ZNF821: variants seen among roughly 807,000 people sequenced by gnomAD.
ZNF821 encodes the protein zinc finger protein 821.
ZNF821 carries 16 observed loss-of-function variants against 44.3 expected under a neutral mutation model. That is an observed-to-expected ratio of 0.36 (90% CI 0.24 to 0.55). The LOEUF (loss-of-function observed/expected upper bound fraction) is 0.55, where lower values mean the gene tolerates loss of function less well. ZNF821 is among the 20% of genes least tolerant of loss of function. The probability of loss-of-function intolerance (pLI) is 0.86; values close to 1 mark genes in which losing one functional copy is unlikely to be tolerated. For synonymous variants in ZNF821, 204 were observed against 197.6 expected (o/e 1.03, Z -0.27); for missense variants, 436 against 547.6 (o/e 0.80, Z 2.03).
At chr16:71,873,589 C>T (rs576075995) in intron 3 of ZNF821, among the ~76,000 whole-genome samples, 69 of 152,248 alleles carry the variant, frequency 4.5e-4, no homozygotes, top group Non-Finnish European at 7.5e-4. Context: ...AAGCAGCTGC[C>T]CACTGGCTTC....
At chr16:71,861,637 C>T in intron 7 of ZNF821, 139 bp downstream of exon 7, 1 of 943,254 alleles carries the variant, frequency 1.1e-6, no homozygotes, top group Non-Finnish European at 1.6e-6. Flanking sequence ...TATTTCCTAG[C>T]CTTCTTACTT....
upstream of ZNF821, chr16:71,884,315 G>A (rs2036747713): frequency 6.6e-6 from 1 of 152,020 alleles, no homozygotes. Context: ...GGAGAGGAGG[G>A]GCTCCGGGGA....
rs118101174 is a variant in ZNF821, at chr16:71,864,057, G to A, written c.417+81C>T. On this transcript the variant is annotated intron_variant, in intron 6 of 7. Transcript: ENST00000425432. Reference sequence around the variant, plus strand: ...AAGACTCCTTCAGGAGCCAGAGAGAGACAAAGGCCAAACCAGGATCTGGGC... The same window carrying A: ...AAGACTCCTTCAGGAGCCAGAGAGAAACAAAGGCCAAACCAGGATCTGGGC... The A allele has an allele frequency of 2.1e-5, 27 of 1,291,288 alleles. No homozygotes were observed. In the East Asian group the frequency reaches 5.1e-4, roughly 24 times the overall value. 80.0% of individuals were successfully genotyped at this position (1,291,288 alleles called of 1,614,324 possible). A position where few individuals can be genotyped will look rare whatever the true frequency, so the allele number is the denominator to read the frequency against.
intron 3 of ZNF821, among the ~76,000 whole-genome samples, chr16:71,873,494 G>C (rs1414756025): frequency 6.6e-6 from 1 of 152,176 alleles, no homozygotes; most frequent in East Asian, 1.9e-4. Flanking sequence ...CAAAATACAA[G>C]AGTCTAACTA....
chr16:71,894,903 G>T lies in ZNF821; in HGVS notation n.434C>A, dbSNP rs758638959. On this transcript the variant is annotated non_coding_transcript_exon_variant, in exon 1 of 3. Coordinates refer to the ZNF821 transcript ENST00000561700. ...TCTCTGAATACCGAGATAAATTAGG[G>T]AAATCGCCAGAGACTGTGGTGCTGA... is the stretch of plus-strand genomic sequence containing the variant. The T allele has an allele frequency of 8.5e-6, 11 of 1,288,368 alleles. No individual in the cohort carries two copies. The South Asian group carries it at 1.4e-4, about 16-fold the overall frequency. 79.8% of individuals were successfully genotyped at this position (1,288,368 alleles called of 1,614,324 possible).
At chr16:71,872,796 T>A (rs1437694848) in intron 3 of ZNF821, among the ~76,000 whole-genome samples, 1 of 152,230 alleles carries the variant, frequency 6.6e-6, no homozygotes, top group African/African-American at 2.4e-5. Context: ...CTAAGCAAGT[T>A]GTGCTTTTTA....
chr16:71,861,315 T>C (rs1323023419), intron 7 of ZNF821, among the ~76,000 whole-genome samples: 2 of 152,236 alleles, frequency 1.3e-5, no homozygotes, highest in Non-Finnish European at 2.9e-5. Flanking sequence ...TGGAGGCTCC[T>C]GGAGGTGGAG....
At chr16:71,877,423 G>C (rs533489462) in intron 3 of ZNF821, among the ~76,000 whole-genome samples, 128 of 152,118 alleles carry the variant, frequency 8.4e-4, no homozygotes, top group Middle Eastern at 3.4e-3. Context: ...CCCAGGCCTA[G>C]TTTTTTTGTA....
At chr16:71,861,647 T>C (rs1192011193) in intron 7 of ZNF821, 129 bp downstream of exon 7, 10 of 1,064,600 alleles carry the variant, frequency 9.4e-6, no homozygotes, top group East Asian at 2.5e-5. Flanking sequence ...CCTTCTTACT[T>C]GTACTTCCAA....
At chr16:71,873,722 T>C (rs1348137058) in intron 3 of ZNF821, among the ~76,000 whole-genome samples, 6 of 152,066 alleles carry the variant, frequency 3.9e-5, no homozygotes, top group African/African-American at 1.2e-4. Flanking sequence ...GGTGCAATCA[T>C]AGCTCATTGC....
chr16:71,869,272 G>A (rs943454164), intron 3 of ZNF821, among the ~76,000 whole-genome samples: 1 of 152,138 alleles, frequency 6.6e-6, no homozygotes, highest in African/African-American at 2.4e-5. Flanking sequence ...AGGAAAGTAC[G>A]CAGGCATACA....
chr16:71,882,703 C>A (rs1483118151), intron 2 of ZNF821, among the ~76,000 whole-genome samples: 3 of 152,096 alleles, frequency 2.0e-5, no homozygotes, highest in Non-Finnish European at 4.4e-5. Context: ...AACAAAAACA[C>A]CCACAAAAAC....
upstream of ZNF821, among the ~76,000 whole-genome samples, chr16:71,885,908 A>G (rs1269216144): frequency 6.6e-6 from 1 of 152,234 alleles, no homozygotes; most frequent in Non-Finnish European, 1.5e-5. Flanking sequence ...GTGTAAGAAT[A>G]CAACCTAGAA....
chr16:71,877,882 T>C (rs112012852), intron 3 of ZNF821, among the ~76,000 whole-genome samples: 1 of 149,798 alleles, frequency 6.7e-6, no homozygotes, highest in African/African-American at 2.4e-5. Flanking sequence ...ATCACGCCAC[T>C]GCACTCCAGC....
chr16:71,860,147 G>A lies in ZNF821; in HGVS notation c.1110C>T (p.Asp370=). The A allele has an allele frequency of 1.2e-6, 2 of 1,614,208 alleles. No homozygotes were observed. The highest frequency in any genetic ancestry group is 1.7e-6 in the Non-Finnish European group (2 of 1,180,026). The change falls in exon 8 of 8, where the codon GAC becomes GAT. Residue 370 remains aspartate, a synonymous_variant. Transcript: ENST00000425432. This position sits in a 1 kb window ranked among gnomAD's most constrained non-coding sequence, Gnocchi z 7.3. ...DMMLRAQFGQ[D]PSAMAALAAE... ...CTGCTAAGGCTGCCATGGCAGAAGG[G>A]TCCTGGCCAAACTGAGCTCGCAACA...
At chr16:71,869,903 T>C (rs555520118) in intron 3 of ZNF821, among the ~76,000 whole-genome samples, 6 of 152,282 alleles carry the variant, frequency 3.9e-5, no homozygotes, top group South Asian at 2.1e-4. Flanking sequence ...TCCTAAAGTG[T>C]TGGAATTACA....
chr16:71,863,401 CTTTTTTTT>C (rs372197045), intron 6 of ZNF821, among the ~76,000 whole-genome samples: 2 of 108,598 alleles, frequency 1.8e-5, no homozygotes, highest in South Asian at 3.8e-4. Flanking sequence ...AGCAGAATCT[CTTTTTTTT>C]TTTTTTTTTT....
intron 3 of ZNF821, among the ~76,000 whole-genome samples, chr16:71,872,429 C>T (rs2035307954): frequency 4.0e-5 from 6 of 151,840 alleles, no homozygotes; most frequent in Admixed American, 3.9e-4. Flanking sequence ...CTGGCTAACA[C>T]AGTGAAACCC....
intron 6 of ZNF821, among the ~76,000 whole-genome samples, chr16:71,863,401 C>CTTTT (rs372197045): frequency 1.3e-4 from 14 of 108,588 alleles, no homozygotes; most frequent in African/African-American, 4.6e-4. Context: ...AGCAGAATCT[C>CTTTT]TTTTTTTTTT....
Sources: allele counts gnomAD v4.1 joint callset (sites outside exome capture counted in the v4.1 genomes callset), GRCh38; gene constraint gnomAD v4.1.1; non-coding constraint Gnocchi (gnomAD v3.1); transcripts MANE v1.5; gene names NCBI Gene and HGNC (gene_info 2026-07-23, HGNC 2026-07-21).